The following SGCD variants were observed in gnomAD, a reference collection of about 807,000 sequenced individuals.
SGCD encodes the protein delta-sarcoglycan.
In SGCD, 18 loss-of-function variants were observed where a neutral mutation model predicts 36.6. That is an observed-to-expected ratio of 0.49 (90% CI 0.34 to 0.73). The LOEUF (loss-of-function observed/expected upper bound fraction) is 0.73. Among genes scored for constraint, SGCD ranks in the 30% least tolerant of loss-of-function variants. SGCD has a pLI of 0.01. For missense variants in SGCD, 387 were observed against 346.7 expected (o/e 1.12, Z -0.92); for synonymous variants, 133 against 130.6 (o/e 1.02, Z -0.12).
At chr5:156,011,886 G>A (rs1469947773) in intron 1 of SGCD, among the ~76,000 whole-genome samples, 1 of 152,132 alleles carries the variant, frequency 6.6e-6, no homozygotes, top group Non-Finnish European at 1.5e-5. Flanking sequence ...CAAGACAAAA[G>A]CACATTCATA....
intron 3 of SGCD, among the ~76,000 whole-genome samples, chr5:156,507,836 A>G (rs1756767941): frequency 1.3e-5 from 2 of 152,364 alleles, no homozygotes; most frequent in Admixed American, 1.3e-4. Context: ...CAATTGCTGT[A>G]AGGAACTTAA....
intron 1 of SGCD, among the ~76,000 whole-genome samples, chr5:156,003,780 A>G (rs1758707235): frequency 6.6e-6 from 1 of 152,214 alleles, no homozygotes; most frequent in African/African-American, 2.4e-5. Flanking sequence ...TTATTTTTAA[A>G]GTAATGATCC....
intron 1 of SGCD, among the ~76,000 whole-genome samples, chr5:156,071,551 C>A (rs1007657694): frequency 5.3e-5 from 8 of 152,066 alleles, no homozygotes; most frequent in Non-Finnish European, 7.4e-5. Flanking sequence ...TTACTTCCAA[C>A]TATGTGGTCA....
intron 7 of SGCD, among the ~76,000 whole-genome samples, chr5:156,714,943 A>T (rs1045320382): frequency 2.6e-5 from 4 of 152,220 alleles, no homozygotes; most frequent in Non-Finnish European, 4.4e-5. Context: ...AAATATATCC[A>T]TAAATATCGG....
intron 3 of SGCD, among the ~76,000 whole-genome samples, chr5:156,254,158 A>T (rs1351408873): frequency 1.3e-5 from 2 of 152,212 alleles, no homozygotes; most frequent in Admixed American, 1.3e-4. Context: ...ATAGGCACTC[A>T]TGCCTCATTC....
intron 3 of SGCD, among the ~76,000 whole-genome samples, chr5:156,271,740 A>G (rs1766187335): frequency 6.6e-6 from 1 of 152,132 alleles, no homozygotes; most frequent in Non-Finnish European, 1.5e-5. Flanking sequence ...CATGTCCCAG[A>G]GAACATGATG....
intron 3 of SGCD, among the ~76,000 whole-genome samples, chr5:156,490,823 C>G (rs989926023): frequency 1.3e-5 from 2 of 152,048 alleles, no homozygotes; most frequent in Non-Finnish European, 2.9e-5. Flanking sequence ...TTTCACTGCT[C>G]TTATTCAACA....
intron 1 of SGCD, among the ~76,000 whole-genome samples, chr5:155,874,149 G>C (rs1330818481): frequency 6.6e-6 from 1 of 152,026 alleles, no homozygotes; most frequent in East Asian, 1.9e-4. Flanking sequence ...AAGGGGATAG[G>C]AGAATTCCTC....
intron 3 of SGCD, among the ~76,000 whole-genome samples, chr5:156,300,889 A>G (rs1767035846): frequency 6.6e-6 from 1 of 151,828 alleles, no homozygotes. Flanking sequence ...TATAGTTTTT[A>G]TCTTGAAATC....
At chr5:156,346,393 G>A (rs1260581688) in intron 3 of SGCD, among the ~76,000 whole-genome samples, 1 of 152,058 alleles carries the variant, frequency 6.6e-6, no homozygotes, top group Non-Finnish European at 1.5e-5. Context: ...TGGACTCCTG[G>A]GCTCAAGCAA....
the SGCD span, among the ~76,000 whole-genome samples, chr5:155,763,963 T>G: frequency 6.6e-6 from 1 of 152,164 alleles, no homozygotes; most frequent in African/African-American, 2.4e-5. Flanking sequence ...TAGAATTATT[T>G]GGAAAGAGAG....
At chr5:156,150,589 A>G (rs749461431) in intron 3 of SGCD, among the ~76,000 whole-genome samples, 1 of 151,620 alleles carries the variant, frequency 6.6e-6, no homozygotes, top group Non-Finnish European at 1.5e-5. Flanking sequence ...ATATGCATTG[A>G]TTTGACATTG....
chr5:156,233,333 A>G (rs1765069261), intron 3 of SGCD, among the ~76,000 whole-genome samples: 1 of 152,254 alleles, frequency 6.6e-6, no homozygotes. Flanking sequence ...ATAACTTTCA[A>G]TAATTAAACA....
chr5:156,061,725 C>T (rs1301826492), intron 1 of SGCD, among the ~76,000 whole-genome samples: 1 of 144,714 alleles, frequency 6.9e-6, no homozygotes, highest in African/African-American at 2.5e-5. Context: ...AATTTATTCT[C>T]AATGTAAAGA....
At chr5:155,848,816 C>G in the SGCD span, among the ~76,000 whole-genome samples, 1 of 152,072 alleles carries the variant, frequency 6.6e-6, no homozygotes, top group South Asian at 2.1e-4. Context: ...AAACAAGAAA[C>G]AGAGGGAAGA....
At chr5:155,784,373 G>A in the SGCD span, among the ~76,000 whole-genome samples, 1 of 152,200 alleles carries the variant, frequency 6.6e-6, no homozygotes. Flanking sequence ...TTCAGGGCGA[G>A]CAGTAAGCCG....
At chr5:156,351,225 G>A (rs1452536857) in intron 3 of SGCD, among the ~76,000 whole-genome samples, 2 of 152,284 alleles carry the variant, frequency 1.3e-5, no homozygotes, top group South Asian at 2.1e-4. Flanking sequence ...GTTAACATAA[G>A]CATTTAGTAT....
intron 7 of SGCD, among the ~76,000 whole-genome samples, chr5:156,662,214 A>C (rs1763960221): frequency 6.9e-6 from 1 of 145,090 alleles, no homozygotes. Flanking sequence ...AAAATCATTT[A>C]GTGTTTTTAA....
intron 3 of SGCD, among the ~76,000 whole-genome samples, chr5:156,249,282 C>T (rs1049346221): frequency 1.8e-4 from 28 of 151,914 alleles, no homozygotes; most frequent in African/African-American, 4.8e-4. Context: ...AGAGAATGAA[C>T]GGCAGAGTGA....
Sources: allele counts gnomAD v4.1 joint callset (sites outside exome capture counted in the v4.1 genomes callset), GRCh38; gene constraint gnomAD v4.1.1; transcripts MANE v1.5; gene names NCBI Gene and HGNC (gene_info 2026-07-23, HGNC 2026-07-21).